The following UNC13C variants were observed in gnomAD, a reference collection of about 807,000 sequenced individuals.
UNC13C encodes the protein unc-13 homolog C.
In UNC13C, 174 loss-of-function variants were observed where a neutral mutation model predicts 245.4. The observed-to-expected ratio is 0.71, with a 90% CI of 0.63 to 0.80. The LOEUF (loss-of-function observed/expected upper bound fraction) is 0.80, where lower values mean the gene tolerates loss of function less well. Ranked by LOEUF, UNC13C falls within the 30% of genes least tolerant of loss-of-function variation. The probability of loss-of-function intolerance (pLI) is 0.00; values close to 1 mark genes in which losing one functional copy is unlikely to be tolerated. For synonymous variants in UNC13C, 992 were observed against 895.1 expected, an observed-to-expected ratio of 1.11 and a Z score of -1.93; for missense variants, 2,829 against 2,602.9, an observed-to-expected ratio of 1.09 and a Z score of -1.89.
the UNC13C span, among the ~76,000 whole-genome samples, chr15:53,854,714 G>A: frequency 0.46 from 69,748 of 151,914 alleles, 16,329 homozygotes; most frequent in Middle Eastern, 0.58. Flanking sequence ...GATATAGTTC[G>A]AAGTCAGGTA....
chr15:54,457,907 C>T (rs980647599), intron 19 of UNC13C, among the ~76,000 whole-genome samples: 1,039 of 92,884 alleles, frequency 0.011, 6 homozygotes, highest in African/African-American at 0.028. Flanking sequence ...TTTTTTTTTC[C>T]TTTTTTTTTT....
At chr15:54,263,515 A>G (rs1371946439) in intron 8 of UNC13C, among the ~76,000 whole-genome samples, 3 of 152,186 alleles carry the variant, frequency 2.0e-5, no homozygotes, top group Non-Finnish European at 4.4e-5. Flanking sequence ...ATGAAAAACA[A>G]TGTCCCAGAA....
intron 17 of UNC13C, among the ~76,000 whole-genome samples, chr15:54,392,749 T>C (rs748176646): frequency 1.4e-5 from 2 of 140,456 alleles, no homozygotes; most frequent in Non-Finnish European, 3.0e-5. Context: ...GGTCATGAAC[T>C]TGTAATCATC....
chr15:54,464,958 T>C (rs113281032), intron 19 of UNC13C, among the ~76,000 whole-genome samples: 1 of 152,136 alleles, frequency 6.6e-6, no homozygotes, highest in African/African-American at 2.4e-5. Context: ...CCAATGATTA[T>C]AGAAGTTGAT....
At chr15:54,371,716 AT>A (rs2039490608) in intron 17 of UNC13C, among the ~76,000 whole-genome samples, 4 of 116,814 alleles carry the variant, frequency 3.4e-5, no homozygotes. Context: ...ATATATATAT[AT>A]ACACACACAC....
At chr15:53,993,835 C>G (rs1894496261) in intron 1 of UNC13C, among the ~76,000 whole-genome samples, 1 of 151,916 alleles carries the variant, frequency 6.6e-6, no homozygotes, top group South Asian at 2.1e-4. Context: ...TAGTCAAGGC[C>G]TCAATAATGG....
intron 18 of UNC13C, among the ~76,000 whole-genome samples, chr15:54,406,266 T>G (rs2040290535): frequency 6.6e-6 from 1 of 152,212 alleles, no homozygotes; most frequent in Non-Finnish European, 1.5e-5. Flanking sequence ...CAGCAAGGCC[T>G]GCTCATTCAC....
At chr15:54,473,846 C>T (rs1369646653) in intron 19 of UNC13C, among the ~76,000 whole-genome samples, 2 of 151,680 alleles carry the variant, frequency 1.3e-5, no homozygotes, top group Non-Finnish European at 2.9e-5. Context: ...ATATACATTG[C>T]ATCCATTAAC....
In UNC13C at chr15:54,015,624, C is replaced by T; in HGVS notation, c.2721C>T (p.His907=). The stretch of plus-strand genomic sequence containing the variant: ...ATGAACAAATGCAAGCATATGATCA[C>T]CTTTCATATGAAACACCTTATGAAA... ...ETDEQMQAYD[H]LSYETPYETP... is the part of the protein sequence containing the mutation. The change falls in exon 2 of 33, where the codon CAC becomes CAT. Residue 907 remains histidine (H), a synonymous_variant. Coordinates refer to ENST00000260323, the MANE Select transcript of UNC13C (RefSeq NM_001080534.3). The T allele has an allele frequency of 3.7e-6, 6 of 1,613,684 alleles. No homozygotes were observed. Among genetic ancestry groups the T allele is most frequent in the Non-Finnish European group, 5.1e-6 (6 of 1,179,764 alleles).
intron 1 of UNC13C, among the ~76,000 whole-genome samples, chr15:53,994,062 G>A (rs1216327719): frequency 1.3e-5 from 2 of 151,730 alleles, no homozygotes; most frequent in South Asian, 2.1e-4. Flanking sequence ...CCAATACTTG[G>A]ACTTGCTATA....
intron 18 of UNC13C, among the ~76,000 whole-genome samples, chr15:54,397,702 G>T (rs905314748): frequency 2.0e-5 from 3 of 151,224 alleles, no homozygotes; most frequent in Non-Finnish European, 4.4e-5. Context: ...TCTTATTTTG[G>T]TGAAAAGGTG....
In UNC13C at chr15:54,180,428, A is replaced by C. The variant is rs192272654; in HGVS notation, c.3071+36744A>C. On this transcript the variant is annotated intron_variant, in intron 4 of 32. Transcript: ENST00000260323. ...GTGGATGGGCACCTAGGCTGATTCC[A>C]TGTTGTTGATATTGTGAATAGTGTG... Among the ~76,000 whole-genome samples the C allele has an allele frequency of 6.6e-5, 10 of 152,132 alleles. No homozygotes were observed. In the East Asian group the frequency reaches 1.9e-3, roughly 29 times the overall value.
chr15:53,911,489 C>T, the UNC13C span: 1 of 152,148 alleles, frequency 6.6e-6, no homozygotes, highest in Non-Finnish European at 1.5e-5. Flanking sequence ...GCTTATACCC[C>T]CACTGATTTG....
chr15:54,556,209 C>A (rs1897082904), intron 29 of UNC13C, among the ~76,000 whole-genome samples: 1 of 151,844 alleles, frequency 6.6e-6, no homozygotes, highest in South Asian at 2.1e-4. Context: ...CAAATGATGT[C>A]CAAAGTTTTT....
chr15:53,988,103 T>G (rs552168295), intron 1 of UNC13C, among the ~76,000 whole-genome samples: 1 of 152,120 alleles, frequency 6.6e-6, no homozygotes, highest in East Asian at 1.9e-4. Flanking sequence ...CTGGCTTCTC[T>G]TCTATTTTCA....
intron 4 of UNC13C, among the ~76,000 whole-genome samples, chr15:54,154,124 G>A (rs2032641457): frequency 6.6e-6 from 1 of 151,796 alleles, no homozygotes; most frequent in Non-Finnish European, 1.5e-5. Flanking sequence ...GATTTATTGA[G>A]CACTAGGTCT....
At chr15:53,839,024 G>A in the UNC13C span, among the ~76,000 whole-genome samples, 4 of 151,984 alleles carry the variant, frequency 2.6e-5, no homozygotes, top group Admixed American at 1.3e-4. Flanking sequence ...CTTTCTAAAT[G>A]TTACTTTATC....
intron 4 of UNC13C, among the ~76,000 whole-genome samples, chr15:54,219,412 C>G (rs993346167): frequency 6.6e-5 from 10 of 152,138 alleles, no homozygotes; most frequent in Non-Finnish European, 1.2e-4. Flanking sequence ...AAAGCTGAAA[C>G]TGGATCCCTT....
chr15:54,277,016 A>G (rs1356057328), intron 10 of UNC13C, among the ~76,000 whole-genome samples: 1 of 152,106 alleles, frequency 6.6e-6, no homozygotes, highest in Non-Finnish European at 1.5e-5. Flanking sequence ...TGTTAATTTA[A>G]AAAATTTATT....
Sources: gnomAD v4.1 joint callset for allele counts (sites outside exome capture counted in the v4.1 genomes callset) on GRCh38, gnomAD v4.1.1 for gene constraint, MANE v1.5 for transcripts, NCBI Gene and HGNC (gene_info 2026-07-23, HGNC 2026-07-21) for gene names.